Variants in SLIT3 observed in about 807,000 individuals in gnomAD.
SLIT3 encodes slit homolog 3 protein.
A neutral mutation model predicts 184.0 loss-of-function variants in SLIT3; 68 were observed. The observed-to-expected ratio is 0.37, with a 90% CI of 0.30 to 0.45. SLIT3 has a LOEUF of 0.45. Ranked by LOEUF, SLIT3 falls within the 20% of genes least tolerant of loss-of-function variation. The pLI, the probability that SLIT3 is intolerant of heterozygous loss-of-function variation, is 1.00. For missense variants in SLIT3, 1,707 were observed against 2,026.0 expected (o/e 0.84, Z 3.02); for synonymous variants, 831 against 828.6 (o/e 1.00, Z -0.05).
At chr5:169,102,373 G>A (rs1211377576) in intron 4 of SLIT3, among the ~76,000 whole-genome samples, 2 of 152,002 alleles carry the variant, frequency 1.3e-5, no homozygotes, top group Non-Finnish European at 2.9e-5. Context: ...GTACCTGTGG[G>A]GGATTGGTTT....
At chr5:169,040,838 A>T (rs1757425016) in intron 4 of SLIT3, among the ~76,000 whole-genome samples, 2 of 152,232 alleles carry the variant, frequency 1.3e-5, no homozygotes, top group Admixed American at 1.3e-4. Context: ...GCATCGGCCC[A>T]TTGCCGATTG....
intron 9 of SLIT3, among the ~76,000 whole-genome samples, chr5:168,796,108 C>A (rs778288398): frequency 6.6e-6 from 1 of 152,176 alleles, no homozygotes; most frequent in Non-Finnish European, 1.5e-5. Context: ...ACAGCCTTAA[C>A]GTCTTTAGGC....
At chr5:169,070,039 G>A (rs986153556) in intron 4 of SLIT3, among the ~76,000 whole-genome samples, 4 of 152,198 alleles carry the variant, frequency 2.6e-5, no homozygotes, top group African/African-American at 9.7e-5. Context: ...ACAGCAGTGG[G>A]AAGAGAAAAG....
intron 20 of SLIT3, among the ~76,000 whole-genome samples, chr5:168,736,113 C>G (rs1456968568): frequency 6.6e-6 from 1 of 152,222 alleles, no homozygotes; most frequent in Non-Finnish European, 1.5e-5. Context: ...CTCCCCTACT[C>G]TCAGTTTCTG....
At chr5:168,898,345 C>A (rs552746514) in intron 4 of SLIT3, among the ~76,000 whole-genome samples, 1 of 151,690 alleles carries the variant, frequency 6.6e-6, no homozygotes, top group Non-Finnish European at 1.5e-5. Flanking sequence ...AGGAAGTGGT[C>A]CCCCGGGATG....
At chr5:169,187,559 C>CTT (rs869169684) in intron 4 of SLIT3, among the ~76,000 whole-genome samples, 6 of 55,770 alleles carry the variant, frequency 1.1e-4, no homozygotes, top group African/African-American at 4.3e-4. Context: ...TTCTTTCTTT[C>CTT]TTTTTTTTTT....
chr5:168,752,216 T>C (rs567594242), intron 18 of SLIT3, among the ~76,000 whole-genome samples: 1 of 152,280 alleles, frequency 6.6e-6, no homozygotes, highest in Non-Finnish European at 1.5e-5. Flanking sequence ...CATTCAGCAC[T>C]GTGACCATGC....
intron 1 of SLIT3, among the ~76,000 whole-genome samples, chr5:169,290,206 C>T (rs1337656331): frequency 2.0e-5 from 3 of 151,858 alleles, no homozygotes; most frequent in East Asian, 3.9e-4. Context: ...AGGACATATG[C>T]TAGGGCACAC....
At chr5:169,253,104 A>G (rs568125211) in intron 1 of SLIT3, among the ~76,000 whole-genome samples, 9 of 152,086 alleles carry the variant, frequency 5.9e-5, no homozygotes, top group Non-Finnish European at 1.0e-4. Context: ...AAGCATAGCA[A>G]GAATTACCCA....
At chr5:168,699,405 G>A (rs1762152486) in intron 27 of SLIT3, among the ~76,000 whole-genome samples, 1 of 152,214 alleles carries the variant, frequency 6.6e-6, no homozygotes. Context: ...TATTGCCAAG[G>A]GGCTGCCGCC....
chr5:168,957,144 G>A (rs1253137994), intron 4 of SLIT3, among the ~76,000 whole-genome samples: 2 of 150,518 alleles, frequency 1.3e-5, no homozygotes, highest in African/African-American at 4.9e-5. Flanking sequence ...CAGGAGAATC[G>A]CTGGAACCTG....
intron 35 of SLIT3, among the ~76,000 whole-genome samples, chr5:168,667,050 A>T (rs895356014): frequency 6.6e-6 from 1 of 152,190 alleles, no homozygotes; most frequent in Admixed American, 6.5e-5. Flanking sequence ...ATGTGCCTAA[A>T]AATTAATTAA....
intron 4 of SLIT3, among the ~76,000 whole-genome samples, chr5:169,088,804 G>A (rs1443206182): frequency 1.3e-5 from 2 of 151,910 alleles, no homozygotes; most frequent in African/African-American, 4.8e-5. Flanking sequence ...CAGATCACCT[G>A]AGGCCAGGAG....
At chr5:169,246,558 T>C (rs978890095) in intron 2 of SLIT3, among the ~76,000 whole-genome samples, 3 of 152,168 alleles carry the variant, frequency 2.0e-5, no homozygotes, top group Non-Finnish European at 4.4e-5. Context: ...CTGCAAAAGT[T>C]CTTACGAGAA....
chr5:168,800,909 G>A (rs887813428), intron 9 of SLIT3, among the ~76,000 whole-genome samples: 10 of 152,188 alleles, frequency 6.6e-5, no homozygotes, highest in Admixed American at 1.3e-4. Flanking sequence ...ATATACATGT[G>A]CAGATGTTTT....
intron 4 of SLIT3, among the ~76,000 whole-genome samples, chr5:169,074,834 T>C (rs1346340475): frequency 1.3e-5 from 2 of 152,050 alleles, no homozygotes; most frequent in African/African-American, 4.8e-5. Context: ...GACCTGAGGG[T>C]GGGACAAGGC....
chr5:168,878,707 C>T (rs1013464195), intron 5 of SLIT3, among the ~76,000 whole-genome samples: 13 of 140,996 alleles, frequency 9.2e-5, no homozygotes, highest in Admixed American at 5.5e-4. Flanking sequence ...GTGGGTATCA[C>T]AGTTTCTTCC....
intron 23 of SLIT3, among the ~76,000 whole-genome samples, chr5:168,715,539 T>C (rs1036525067): frequency 6.6e-6 from 1 of 152,242 alleles, no homozygotes; most frequent in African/African-American, 2.4e-5. Context: ...CAGTTTAATT[T>C]TGTGGGGCTG....
At chr5:169,296,582 T>C (rs1486729350) in intron 1 of SLIT3, among the ~76,000 whole-genome samples, 1 of 152,212 alleles carries the variant, frequency 6.6e-6, no homozygotes, top group Non-Finnish European at 1.5e-5. Flanking sequence ...CCCTGAGGGC[T>C]GGACAGAGGA....
Sources: allele counts gnomAD v4.1 joint callset (sites outside exome capture counted in the v4.1 genomes callset), GRCh38; gene constraint gnomAD v4.1.1; transcripts MANE v1.5; gene names NCBI Gene and HGNC (gene_info 2026-07-23, HGNC 2026-07-21).